Variants in ERC2 observed in about 807,000 individuals in gnomAD.
The protein encoded by ERC2 is ERC protein 2.
A neutral mutation model predicts 114.8 loss-of-function variants in ERC2; 42 were observed. That is an observed-to-expected ratio of 0.37 (90% CI 0.29 to 0.47). The LOEUF is 0.47. Ranked by LOEUF, ERC2 falls within the 20% of genes least tolerant of loss-of-function variation. The probability of loss-of-function intolerance (pLI) is 0.99; values close to 1 mark genes in which losing one functional copy is unlikely to be tolerated. For missense variants in ERC2, 939 were observed against 1,150.7 expected, an observed-to-expected ratio of 0.82 and a Z score of 2.66; for synonymous variants, 454 against 425.5, an observed-to-expected ratio of 1.07 and a Z score of -0.82.
At chr3:55,592,739 G>A (rs538371341) in intron 17 of ERC2, among the ~76,000 whole-genome samples, 2 of 152,296 alleles carry the variant, frequency 1.3e-5, no homozygotes, top group South Asian at 2.1e-4. Flanking sequence ...AACCAAATAC[G>A]TGTAGACACC....
intron 14 of ERC2, among the ~76,000 whole-genome samples, chr3:55,818,682 T>A (rs2149145829): frequency 6.6e-6 from 1 of 152,284 alleles, no homozygotes; most frequent in South Asian, 2.1e-4. Context: ...CACAGAGGGG[T>A]GCTACGTGTG....
intron 6 of ERC2, among the ~76,000 whole-genome samples, chr3:56,123,174 C>T (rs918246012): frequency 1.3e-5 from 2 of 152,108 alleles, no homozygotes; most frequent in Non-Finnish European, 2.9e-5. Context: ...GCTTATGCCA[C>T]CCACCCCCAA....
chr3:56,257,196 T>A (rs1250614987), intron 3 of ERC2, among the ~76,000 whole-genome samples: 1 of 152,190 alleles, frequency 6.6e-6, no homozygotes, highest in Non-Finnish European at 1.5e-5. Flanking sequence ...CACCTCCAGA[T>A]GACTTTCATC....
intron 2 of ERC2, among the ~76,000 whole-genome samples, chr3:56,351,795 C>G (rs1234877605): frequency 2.0e-5 from 3 of 152,116 alleles, no homozygotes; most frequent in Non-Finnish European, 4.4e-5. Flanking sequence ...TTACTGAGAC[C>G]CTACTATGAC....
chr3:55,841,886 T>C (rs1472448976), intron 14 of ERC2, among the ~76,000 whole-genome samples: 1 of 152,156 alleles, frequency 6.6e-6, no homozygotes, highest in Non-Finnish European at 1.5e-5. Flanking sequence ...ATTGCTTCAT[T>C]GTACTACATC....
At chr3:55,846,691 CTT>C (rs1553702628) in intron 14 of ERC2, among the ~76,000 whole-genome samples, 157 of 119,712 alleles carry the variant, frequency 1.3e-3, no homozygotes, top group African/African-American at 4.6e-3. Flanking sequence ...CTCTCTCTCT[CTT>C]TCTCTCTCTC....
chr3:55,713,681 T>C (rs1178873986), intron 15 of ERC2, among the ~76,000 whole-genome samples: 4 of 152,236 alleles, frequency 2.6e-5, no homozygotes, highest in African/African-American at 9.6e-5. Context: ...AAAGGCTTTG[T>C]ATAATTAGTT....
intron 12 of ERC2, among the ~76,000 whole-genome samples, chr3:55,965,398 T>G (rs2068677753): frequency 6.6e-6 from 1 of 152,250 alleles, no homozygotes; most frequent in African/African-American, 2.4e-5. Flanking sequence ...TTAAGTAGTC[T>G]CATGTGGCTA....
At chr3:56,377,661 T>A (rs1484320395) in intron 2 of ERC2, among the ~76,000 whole-genome samples, 2 of 152,176 alleles carry the variant, frequency 1.3e-5, no homozygotes, top group African/African-American at 4.8e-5. Context: ...GATCATATCG[T>A]ATTAAAAATA....
intron 17 of ERC2, among the ~76,000 whole-genome samples, chr3:55,532,210 C>G (rs888681226): frequency 6.6e-6 from 1 of 152,176 alleles, no homozygotes; most frequent in African/African-American, 2.4e-5. Context: ...TCAGGCTAGA[C>G]CTGCATCCTT....
At chr3:55,939,216 G>T (rs1054920688) in intron 13 of ERC2, among the ~76,000 whole-genome samples, 1 of 152,160 alleles carries the variant, frequency 6.6e-6, no homozygotes, top group Non-Finnish European at 1.5e-5. Flanking sequence ...TTTTGATTCA[G>T]CAAAGACAAT....
intron 12 of ERC2, among the ~76,000 whole-genome samples, chr3:55,969,392 T>TAC (rs10555030): frequency 0.029 from 4,139 of 140,576 alleles, 94 homozygotes; most frequent in African/African-American, 0.07. Context: ...TTTATACACA[T>TAC]ACACACACAC....
At chr3:55,883,744 T>C (rs1251842735) in intron 14 of ERC2, among the ~76,000 whole-genome samples, 1 of 151,862 alleles carries the variant, frequency 6.6e-6, no homozygotes, top group African/African-American at 2.4e-5. Flanking sequence ...AAAAATTAGC[T>C]GGGTGTGGTG....
At chr3:56,116,076 A>G (rs945222265) in intron 6 of ERC2, among the ~76,000 whole-genome samples, 1 of 151,880 alleles carries the variant, frequency 6.6e-6, no homozygotes, top group Non-Finnish European at 1.5e-5. Flanking sequence ...CTCCTGACCG[A>G]CCCTAGTGCT....
chr3:56,361,705 G>A (rs1021082660), intron 2 of ERC2, among the ~76,000 whole-genome samples: 1 of 152,232 alleles, frequency 6.6e-6, no homozygotes, highest in African/African-American at 2.4e-5. Context: ...CCATCAGTAA[G>A]AGCAGATGAT....
chr3:56,420,177 C>T (rs1480866825), intron 2 of ERC2, among the ~76,000 whole-genome samples: 22 of 72,298 alleles, frequency 3.0e-4, no homozygotes, highest in Non-Finnish European at 3.7e-4. Context: ...AGTGGTTATA[C>T]TTTTTTTTTT....
chr3:55,521,995 C>T (rs1406647216), intron 17 of ERC2, among the ~76,000 whole-genome samples: 1 of 152,198 alleles, frequency 6.6e-6, no homozygotes, highest in Non-Finnish European at 1.5e-5. Context: ...CAGACAACTC[C>T]ACTGCCATAA....
chr3:56,142,231 C>G (rs564880477), intron 5 of ERC2, among the ~76,000 whole-genome samples: 1 of 152,262 alleles, frequency 6.6e-6, no homozygotes, highest in African/African-American at 2.4e-5. Flanking sequence ...AAAAAACCCA[C>G]TTATCCTTAT....
At chr3:55,921,121 TA>T (rs1283510935) in intron 13 of ERC2, among the ~76,000 whole-genome samples, 1 of 152,138 alleles carries the variant, frequency 6.6e-6, no homozygotes, top group African/African-American at 2.4e-5. Context: ...AATTAGGCAA[TA>T]AATTATTAAC....
Sources: gnomAD v4.1 joint callset for allele counts (sites outside exome capture counted in the v4.1 genomes callset) on GRCh38, gnomAD v4.1.1 for gene constraint, MANE v1.5 for transcripts, NCBI Gene and HGNC (gene_info 2026-07-23, HGNC 2026-07-21) for gene names.